Variants in KCNIP4 observed in about 807,000 individuals in gnomAD.
The protein encoded by KCNIP4 is potassium voltage-gated channel interacting protein 4.
A neutral mutation model predicts 34.0 loss-of-function variants in KCNIP4; 12 were observed. The ratio of observed to expected loss-of-function variants is 0.35; its 90% CI spans 0.23 to 0.57. The LOEUF (loss-of-function observed/expected upper bound fraction) is 0.57. Ranked by LOEUF, KCNIP4 falls within the 20% of genes least tolerant of loss-of-function variation. KCNIP4 has a pLI of 0.83. For missense variants in KCNIP4, 238 were observed against 311.7 expected, an observed-to-expected ratio of 0.76 and a Z score of 1.78; for synonymous variants, 124 against 102.2, an observed-to-expected ratio of 1.21 and a Z score of -1.29.
intron 1 of KCNIP4, among the ~76,000 whole-genome samples, chr4:21,256,410 T>C (rs1307625951): frequency 8.6e-6 from 1 of 116,406 alleles, no homozygotes; most frequent in Non-Finnish European, 1.7e-5. Flanking sequence ...TGAGATCCCA[T>C]CCCTGCTTAA....
intron 1 of KCNIP4, among the ~76,000 whole-genome samples, chr4:21,149,691 C>T (rs1051967874): frequency 1.3e-4 from 20 of 151,960 alleles, no homozygotes; most frequent in African/African-American, 3.1e-4. Flanking sequence ...GCTTTGGTTA[C>T]GAACATATCC....
At chr4:21,918,436 CAA>C (rs1302141949) in intron 1 of KCNIP4, among the ~76,000 whole-genome samples, 1 of 152,114 alleles carries the variant, frequency 6.6e-6, no homozygotes, top group Non-Finnish European at 1.5e-5. Context: ...GTTCCACAGG[CAA>C]AGACACGAAA....
intron 1 of KCNIP4, among the ~76,000 whole-genome samples, chr4:21,833,513 T>C (rs1723125313): frequency 2.0e-5 from 3 of 152,230 alleles, no homozygotes; most frequent in Non-Finnish European, 4.4e-5. Context: ...ATGAGTAGGT[T>C]GTGAAAATTT....
At chr4:21,036,489 C>T (rs1435039371) in intron 1 of KCNIP4, among the ~76,000 whole-genome samples, 1 of 152,178 alleles carries the variant, frequency 6.6e-6, no homozygotes, top group African/African-American at 2.4e-5. Context: ...AAGATAAGTG[C>T]AGGTTTATTT....
At chr4:21,501,834 C>T (rs1733379730) in intron 1 of KCNIP4, among the ~76,000 whole-genome samples, 1 of 151,908 alleles carries the variant, frequency 6.6e-6, no homozygotes, top group South Asian at 2.1e-4. Context: ...CAGCAACCTC[C>T]TTTTTTATAT....
chr4:20,887,403 T>TAATA (rs140559983), intron 1 of KCNIP4, among the ~76,000 whole-genome samples: 9,326 of 150,142 alleles, frequency 0.062, 282 homozygotes, highest in Middle Eastern at 0.11. Flanking sequence ...ACTTAAAGTA[T>TAATA]AATAAATAAA....
In KCNIP4 at chr4:21,234,392, TATATA is replaced by T. The variant is rs1303788476; in HGVS notation, c.62-351688_62-351684del. ...TATATAACATACATCATACATAACATATATAATATATTATATAACATATACTATAT... is the reference window on the plus strand; with the variant it reads ...TATATAACATACATCATACATAACATATATATTATATAACATATACTATAT... On this transcript the variant is annotated intron_variant, in intron 1 of 8. Coordinates refer to ENST00000382152, the MANE Select transcript of KCNIP4 (RefSeq NM_025221.6). Among the ~76,000 whole-genome samples, 33 of 130,236 alleles carry T rather than the reference TATATA, an allele frequency of 2.5e-4. 3 individuals are homozygous for T. The highest frequency in any genetic ancestry group is 1.1e-3 in the South Asian group (5 of 4,412). The allele number at this position is 130,236 out of a possible 152,430, so 85.4% of individuals were successfully genotyped here.
intron 1 of KCNIP4, among the ~76,000 whole-genome samples, chr4:21,355,913 G>A (rs1172026179): frequency 1.3e-5 from 2 of 152,080 alleles, no homozygotes; most frequent in Non-Finnish European, 2.9e-5. Context: ...ATAAAATACT[G>A]GCAAACCGAA....
intron 3 of KCNIP4, among the ~76,000 whole-genome samples, chr4:20,834,740 G>A (rs1372803081): frequency 6.6e-6 from 1 of 152,174 alleles, no homozygotes; most frequent in Non-Finnish European, 1.5e-5. Flanking sequence ...TCACCCAAAG[G>A]CAAGGTTCTT....
intron 1 of KCNIP4, among the ~76,000 whole-genome samples, chr4:21,209,497 T>C (rs1002089510): frequency 6.6e-6 from 1 of 152,162 alleles, no homozygotes; most frequent in Admixed American, 6.5e-5. Context: ...GAATGAGAAC[T>C]TTCTGTTCCT....
chr4:21,097,673 T>C (rs1165953989), intron 1 of KCNIP4, among the ~76,000 whole-genome samples: 1 of 152,136 alleles, frequency 6.6e-6, no homozygotes, highest in Non-Finnish European at 1.5e-5. Flanking sequence ...TAAATGTGTG[T>C]GTGTGTTGAC....
chr4:21,662,616 T>C (rs1016326142), intron 1 of KCNIP4, among the ~76,000 whole-genome samples: 3 of 152,240 alleles, frequency 2.0e-5, no homozygotes, highest in African/African-American at 7.2e-5. Context: ...TAATTTTGTT[T>C]TGTGGTCTAA....
rs1553875540 is a variant in KCNIP4, at chr4:21,396,557, A to AAAAAATAAAAAAT, written c.62-513849_62-513848insATTTTTTATTTTT. Among the ~76,000 whole-genome samples the AAAAAATAAAAAAT allele has an allele frequency of 2.1e-4, 32 of 149,312 alleles. 2 individuals carry two copies. The highest frequency in any genetic ancestry group is 7.2e-3 in the Middle Eastern group (2 of 278). On this transcript the variant is annotated intron_variant, in intron 1 of 8. Coordinates refer to ENST00000382152, the MANE Select transcript of KCNIP4 (RefSeq NM_025221.6). The stretch of plus-strand genomic sequence containing the variant: ...GTGACAGAGCAAGACTCCAAAAAAA[A>AAAAAATAAAAAAT]AAAAAAAAAAAGAGGATTCTGATAT...
chr4:21,809,178 A>C (rs1371797829), intron 1 of KCNIP4, among the ~76,000 whole-genome samples: 1 of 152,162 alleles, frequency 6.6e-6, no homozygotes, highest in Non-Finnish European at 1.5e-5. Flanking sequence ...CAGATTCACC[A>C]ATGTGGGTAG....
intron 1 of KCNIP4, among the ~76,000 whole-genome samples, chr4:21,123,331 C>A (rs1222670570): frequency 6.6e-6 from 1 of 152,086 alleles, no homozygotes; most frequent in African/African-American, 2.4e-5. Context: ...GGAAACATTT[C>A]TGAGCAAAAA....
At chr4:21,075,282 T>C (rs1287262303) in intron 1 of KCNIP4, among the ~76,000 whole-genome samples, 3 of 152,180 alleles carry the variant, frequency 2.0e-5, no homozygotes, top group African/African-American at 7.2e-5. Flanking sequence ...TAAGTCTCTT[T>C]GTAGGTCTCT....
intron 3 of KCNIP4, among the ~76,000 whole-genome samples, chr4:20,802,938 G>C (rs34264081): frequency 0.27 from 40,626 of 151,692 alleles, 6,563 homozygotes; most frequent in Admixed American, 0.42. Flanking sequence ...TGCCGGGCGT[G>C]GTGGCAGGCA....
chr4:21,383,883 C>G (rs1044192690), intron 1 of KCNIP4, among the ~76,000 whole-genome samples: 1 of 152,088 alleles, frequency 6.6e-6, no homozygotes, highest in African/African-American at 2.4e-5. Context: ...AAATAAGCAA[C>G]TAAATATATT....
chr4:20,945,099 T>C (rs557942222), intron 1 of KCNIP4, among the ~76,000 whole-genome samples: 13 of 152,262 alleles, frequency 8.5e-5, no homozygotes, highest in African/African-American at 2.4e-4. Flanking sequence ...AATGTCTCAC[T>C]CTCCAGAGTG....
Sources: allele counts gnomAD v4.1 joint callset (sites outside exome capture counted in the v4.1 genomes callset), GRCh38; gene constraint gnomAD v4.1.1; transcripts MANE v1.5; gene names NCBI Gene and HGNC (gene_info 2026-07-23, HGNC 2026-07-21).